Variants in CATSPERB observed in about 807,000 individuals in gnomAD.
CATSPERB encodes cation channel sperm-associated auxiliary subunit beta.
Under a neutral mutation model 128.3 loss-of-function variants are expected in CATSPERB, and 93 were observed. The ratio of observed to expected loss-of-function variants is 0.72; its 90% CI spans 0.61 to 0.86. CATSPERB has a LOEUF of 0.86. Among genes scored for constraint, CATSPERB ranks in the 40% least tolerant of loss-of-function variants. CATSPERB has a pLI of 0.00. For missense variants in CATSPERB, 1,153 were observed against 1,329.5 expected (o/e 0.87, Z 2.06); for synonymous variants, 381 against 448.8 (o/e 0.85, Z 1.91).
intron 12 of CATSPERB, among the ~76,000 whole-genome samples, chr14:91,673,397 A>G (rs1895133410): frequency 6.6e-6 from 1 of 152,022 alleles, no homozygotes; most frequent in South Asian, 2.1e-4. Flanking sequence ...CAGGTTTGAG[A>G]TTTTTATCTA....
Position 91,608,420 on chromosome 14 carries a change from C to T in CATSPERB, c.2599-16G>A, listed in dbSNP as rs1566701794. Reference sequence around the variant, plus strand: ...TGTAGTTTATCTGCAAGTGATTAAACAAAGAAAATGTACAATTCATTATTA... The same window carrying T: ...TGTAGTTTATCTGCAAGTGATTAAATAAAGAAAATGTACAATTCATTATTA... On this transcript the variant is annotated splice_polypyrimidine_tract_variant and intron_variant, in intron 21 of 26. Coordinates refer to ENST00000256343, the MANE Select transcript of CATSPERB (RefSeq NM_024764.4). 1 of 1,325,824 alleles carries T rather than the reference C, an allele frequency of 7.5e-7. No homozygotes were observed. The highest frequency in any genetic ancestry group is 1.7e-5 in the Admixed American group (1 of 58,196). The allele number at this position is 1,325,824 out of a possible 1,614,324, so 82.1% of individuals were successfully genotyped here. A position where few individuals can be genotyped will look rare whatever the true frequency, so the allele number is the denominator to read the frequency against.
At chr14:91,726,208 GT>G in intron 2 of CATSPERB, among the ~76,000 whole-genome samples, 1 of 152,298 alleles carries the variant, frequency 6.6e-6, no homozygotes, top group East Asian at 1.9e-4. Flanking sequence ...CACTGAGCTG[GT>G]AAACACTTAA....
chr14:91,630,329 T>A (rs1465827122), intron 17 of CATSPERB, among the ~76,000 whole-genome samples: 1 of 152,094 alleles, frequency 6.6e-6, no homozygotes, highest in Non-Finnish European at 1.5e-5. Flanking sequence ...ACATACACCC[T>A]CCTCTGCAGG....
intron 20 of CATSPERB, among the ~76,000 whole-genome samples, chr14:91,617,159 T>C (rs1478635187): frequency 3.3e-5 from 5 of 152,212 alleles, no homozygotes; most frequent in Non-Finnish European, 5.9e-5. Flanking sequence ...TGGCCTCAAT[T>C]GCTACTGTTT....
intron 5 of CATSPERB, among the ~76,000 whole-genome samples, chr14:91,713,407 T>A (rs373625524): frequency 1.3e-5 from 2 of 152,194 alleles, no homozygotes. Flanking sequence ...GATGTCTCTT[T>A]GAAACATAAA....
intron 18 of CATSPERB, 25 bp downstream of exon 18, chr14:91,624,795 A>C (rs1160550431): frequency 6.7e-7 from 1 of 1,497,548 alleles, no homozygotes; most frequent in Non-Finnish European, 9.0e-7. Flanking sequence ...TAGCCATCAG[A>C]GATGTATGAT....
At chr14:91,684,260 G>A (rs1260540578) in intron 10 of CATSPERB, among the ~76,000 whole-genome samples, 71 of 152,190 alleles carry the variant, frequency 4.7e-4, no homozygotes, top group Admixed American at 4.6e-3. Context: ...CAGTTACAAT[G>A]GGTCACATAT....
intron 26 of CATSPERB, among the ~76,000 whole-genome samples, chr14:91,586,559 G>A (rs925987868): frequency 1.5e-5 from 2 of 134,068 alleles, no homozygotes; most frequent in Admixed American, 7.8e-5. Context: ...GAGAGAGAGA[G>A]AGAGAGAGAG....
At chr14:91,702,343 G>A (rs1895663914) in intron 7 of CATSPERB, among the ~76,000 whole-genome samples, 1 of 150,938 alleles carries the variant, frequency 6.6e-6, no homozygotes, top group Admixed American at 6.6e-5. Context: ...CAATTATTAG[G>A]TTGGTGCAAA....
At chr14:91,706,541 C>T (rs146569865) in intron 6 of CATSPERB, among the ~76,000 whole-genome samples, 1 of 152,270 alleles carries the variant, frequency 6.6e-6, no homozygotes, top group African/African-American at 2.4e-5. Context: ...ATGAAGGTCA[C>T]TGGTGACTGT....
At chr14:91,645,629 T>C (rs1807626445) in intron 15 of CATSPERB, among the ~76,000 whole-genome samples, 1 of 132,214 alleles carries the variant, frequency 7.6e-6, no homozygotes, top group Non-Finnish European at 1.6e-5. Flanking sequence ...GACAGGGACA[T>C]TTAAGTCTGC....
At chr14:91,654,048 A>G (rs998679777) in intron 15 of CATSPERB, among the ~76,000 whole-genome samples, 1 of 152,120 alleles carries the variant, frequency 6.6e-6, no homozygotes, top group African/African-American at 2.4e-5. Context: ...AAGAGTGGGA[A>G]GAACAGAAGA....
intron 17 of CATSPERB, among the ~76,000 whole-genome samples, chr14:91,626,469 G>T (rs1894164205): frequency 6.6e-6 from 1 of 150,968 alleles, no homozygotes; most frequent in African/African-American, 2.4e-5. Context: ...ACTTTTAAGG[G>T]GTGATTAGAT....
intron 3 of CATSPERB, among the ~76,000 whole-genome samples, chr14:91,724,295 C>A (rs1046886111): frequency 2.6e-5 from 4 of 152,156 alleles, no homozygotes; most frequent in African/African-American, 9.7e-5. Flanking sequence ...TGGACCCCAG[C>A]TCTGTAAGTC....
intron 23 of CATSPERB, 140 bp from the exon 24 acceptor site, chr14:91,589,809 A>G: frequency 1.4e-6 from 1 of 716,708 alleles, no homozygotes; most frequent in South Asian, 2.0e-5. Flanking sequence ...CTGCCTTTTC[A>G]GTCATGAAAA....
Position 91,610,335 on chromosome 14 carries a change from T to G in CATSPERB, c.2598+145A>C, listed in dbSNP as rs192240697. On this transcript the variant is annotated intron_variant, in intron 21 of 26. Transcript: ENST00000256343. ...TTACAGCTTAGAAATCATCACATCC[T>G]CAAAATGACATGAGGATTAAAAAAT... 12 of 640,682 alleles carry G rather than the reference T, an allele frequency of 1.9e-5. No individual in the cohort carries two copies. In the Admixed American group the frequency reaches 1.9e-4, roughly 10 times the overall value. The allele number at this position is 640,682 out of a possible 1,614,324, so 39.7% of individuals were successfully genotyped here.
rs183001728 is a variant in CATSPERB at position 91,721,740 on chromosome 14, C to T, written c.309+1309G>A. Among the ~76,000 whole-genome samples the T allele has an allele frequency of 5.2e-3, 786 of 151,776 alleles. 7 individuals carry two copies. Among genetic ancestry groups the T allele is most frequent in the African/African-American group, 0.018 (734 of 41,354 alleles). ...TGGCGGATGCCTGTAGTCCCAGCTACTCTGGAGGCTGAGGCAGGAGAATGG... is the reference window on the plus strand; with the variant it reads ...TGGCGGATGCCTGTAGTCCCAGCTATTCTGGAGGCTGAGGCAGGAGAATGG... On this transcript the variant is annotated intron_variant, in intron 4 of 26. Coordinates refer to ENST00000256343, the MANE Select transcript of CATSPERB (RefSeq NM_024764.4).
intron 5 of CATSPERB, among the ~76,000 whole-genome samples, chr14:91,716,046 C>A (rs1895932157): frequency 6.6e-6 from 1 of 152,040 alleles, no homozygotes. Flanking sequence ...ATCAAAAGTA[C>A]CATCCATAAA....
At chr14:91,665,424 A>G (rs548427944) in intron 14 of CATSPERB, among the ~76,000 whole-genome samples, 1 of 152,332 alleles carries the variant, frequency 6.6e-6, no homozygotes, top group South Asian at 2.1e-4. Flanking sequence ...AAAAAACACA[A>G]GATGGAGACT....
Sources: allele counts gnomAD v4.1 joint callset (sites outside exome capture counted in the v4.1 genomes callset), GRCh38; gene constraint gnomAD v4.1.1; transcripts MANE v1.5; gene names NCBI Gene and HGNC (gene_info 2026-07-23, HGNC 2026-07-21).